NXN: variants seen among roughly 807,000 people sequenced by gnomAD.
NXN encodes nucleoredoxin 1.
Under a neutral mutation model 48.6 loss-of-function variants are expected in NXN, and 16 were observed. The observed-to-expected ratio is 0.33, with a 90% CI of 0.22 to 0.50. The LOEUF is 0.50. NXN is among the 20% of genes least tolerant of loss of function. The probability of loss-of-function intolerance (pLI) is 0.98; values close to 1 mark genes in which losing one functional copy is unlikely to be tolerated. For synonymous variants in NXN, 281 were observed against 269.6 expected (o/e 1.04, Z -0.41); for missense variants, 492 against 605.5 (o/e 0.81, Z 1.97).
At chr17:809,415 G>C (rs1312498903) in intron 5 of NXN, among the ~76,000 whole-genome samples, 1 of 152,208 alleles carries the variant, frequency 6.6e-6, no homozygotes, top group Non-Finnish European at 1.5e-5. Flanking sequence ...GGTGCGCCGA[G>C]ACTGTCCCAC....
chr17:836,723 A>G (rs150643714), intron 1 of NXN, among the ~76,000 whole-genome samples: 1 of 152,320 alleles, frequency 6.6e-6, no homozygotes, highest in African/African-American at 2.4e-5. Flanking sequence ...CACCTCACTG[A>G]ACTGCTGTGA....
At chr17:864,308 T>C (rs1349002202) in intron 1 of NXN, among the ~76,000 whole-genome samples, 1 of 152,202 alleles carries the variant, frequency 6.6e-6, no homozygotes, top group Non-Finnish European at 1.5e-5. Context: ...TCCATTTCCT[T>C]CTCAGGGAAT....
chr17:936,691 A>C (rs1165847628), intron 1 of NXN, among the ~76,000 whole-genome samples: 1 of 150,956 alleles, frequency 6.6e-6, no homozygotes, highest in African/African-American at 2.4e-5. Flanking sequence ...ACGGGGCATC[A>C]GAGCTGTCGG....
chr17:871,498 G>A (rs1328157713), intron 1 of NXN, among the ~76,000 whole-genome samples: 11 of 145,140 alleles, frequency 7.6e-5, no homozygotes, highest in South Asian at 6.5e-4. Context: ...TCCACCTCCC[G>A]GGTTCAAATG....
chr17:899,251 C>G (rs1229904928), intron 1 of NXN, among the ~76,000 whole-genome samples: 1 of 152,100 alleles, frequency 6.6e-6, no homozygotes, highest in Non-Finnish European at 1.5e-5. Flanking sequence ...AGCCACCGCA[C>G]CCCGGCCTGT....
intron 1 of NXN, among the ~76,000 whole-genome samples, chr17:957,986 G>A (rs11247570): frequency 0.22 from 34,191 of 151,972 alleles, 4,127 homozygotes; most frequent in East Asian, 0.36. Flanking sequence ...ATGTTTCCAC[G>A]GAGCACGGGC....
Position 801,140 on chromosome 17 carries a change from G to A in NXN, c.1126-9C>T, listed in dbSNP as rs760660532. On this transcript the variant is annotated splice_polypyrimidine_tract_variant and intron_variant, in intron 7 of 7. Transcript: ENST00000336868. The stretch of plus-strand genomic sequence containing the variant: ...GAGTCAGTCATGTCATCCTGAAGCC[G>A]TCAGGAGGGAGAGAAAACCAAGAAG... 1.8e-5 allele frequency: 27 copies of A among 1,513,136 alleles called. No homozygotes were observed. Among genetic ancestry groups the A allele is most frequent in the Middle Eastern group, 1.8e-4 (1 of 5,594 alleles). The allele number at this position is 1,513,136 out of a possible 1,614,324, so 93.7% of individuals were successfully genotyped here.
chr17:955,109 C>T (rs75381086), intron 1 of NXN, among the ~76,000 whole-genome samples: 1,582 of 151,172 alleles, frequency 0.01, 30 homozygotes, highest in African/African-American at 0.037. Context: ...TAAACTCACA[C>T]GGGAAAGATG....
intron 1 of NXN, among the ~76,000 whole-genome samples, chr17:960,181 C>T (rs76500347): frequency 0.026 from 3,966 of 152,308 alleles, 227 homozygotes; most frequent in East Asian, 0.24. Flanking sequence ...CCTAACACAA[C>T]AGTAAGCAAT....
chr17:803,717 C>T lies in NXN; in HGVS notation c.1090G>A (p.Glu364Lys). Residue 364 changes from glutamate to lysine, a missense_variant, in exon 7 of 8, where the codon GAG (glutamate) becomes AAG (lysine). Around this residue, in one of 3 missense-constraint regions of NXN, gnomAD observed 303 missense variants for 388.3 expected, o/e 0.78. Transcript: ENST00000336868. ...ACGAAGAACAGAAGGGGTGCCTCCT[C>T]CTCTTTGGCTTTGTACTTGGCAATG... ...KIIAKYKAKEEEAPLLFFVAG... is the reference protein window; with the variant it reads ...KIIAKYKAKEKEAPLLFFVAG... The T allele has an allele frequency of 6.2e-7, 1 of 1,614,244 alleles. No individual in the cohort carries two copies. The highest frequency in any genetic ancestry group is 8.5e-7 in the Non-Finnish European group (1 of 1,180,038).
At chr17:936,670 G>C (rs565741580) in intron 1 of NXN, among the ~76,000 whole-genome samples, 1 of 151,022 alleles carries the variant, frequency 6.6e-6, no homozygotes, top group African/African-American at 2.4e-5. Context: ...GTGCTACGAT[G>C]TCTGGCTAAA....
chr17:913,113 A>G (rs1382746197), intron 1 of NXN, among the ~76,000 whole-genome samples: 1 of 152,260 alleles, frequency 6.6e-6, no homozygotes, highest in Non-Finnish European at 1.5e-5. Context: ...TATTACAGTC[A>G]TCTCTTTTAT....
At chr17:895,174 GC>G (rs2068464791) in intron 1 of NXN, among the ~76,000 whole-genome samples, 1 of 151,282 alleles carries the variant, frequency 6.6e-6, no homozygotes, top group Admixed American at 6.6e-5. Flanking sequence ...CCACCACCAC[GC>G]CCAGCTAATT....
intron 7 of NXN, 113 bp downstream of exon 7, chr17:803,569 C>A: frequency 7.4e-7 from 1 of 1,353,382 alleles, no homozygotes; most frequent in Non-Finnish European, 1.0e-6. Context: ...CTCTCAGAAG[C>A]ACAGGCAGCC....
rs990986162 is a variant in NXN at position 932,898 on chromosome 17, T to C, written c.360+46421A>G. Among the ~76,000 whole-genome samples the C allele has an allele frequency of 6.6e-6, 1 of 152,176 alleles. No homozygotes were observed. Among genetic ancestry groups the C allele is most frequent in the African/African-American group, 2.4e-5 (1 of 41,444 alleles). On this transcript the variant is annotated intron_variant, in intron 1 of 7. Coordinates refer to ENST00000336868, the MANE Select transcript of NXN (RefSeq NM_022463.5). This position sits in a 1 kb window ranked among gnomAD's most constrained non-coding sequence, Gnocchi z 4.1. The stretch of plus-strand genomic sequence containing the variant: ...CCTGACCTCAGGTGATCCGCCCGCC[T>C]CGGCCTCCCTCAGTACTGGGATTCC...
intron 1 of NXN, among the ~76,000 whole-genome samples, chr17:863,460 C>T (rs1451890008): frequency 6.6e-6 from 1 of 152,148 alleles, no homozygotes; most frequent in Non-Finnish European, 1.5e-5. Flanking sequence ...AGCCACCACG[C>T]TCAGCCGTGT....
intron 1 of NXN, among the ~76,000 whole-genome samples, chr17:927,881 G>A (rs1005546713): frequency 1.1e-4 from 16 of 152,056 alleles, no homozygotes; most frequent in African/African-American, 3.6e-4. Flanking sequence ...GAGTCTGCAC[G>A]TGATGTTCCT....
intron 1 of NXN, among the ~76,000 whole-genome samples, chr17:891,181 C>T (rs953580570): frequency 2.6e-5 from 4 of 152,112 alleles, no homozygotes; most frequent in African/African-American, 9.7e-5. Flanking sequence ...TGAGCTCAGG[C>T]GATCCTCCTC....
At chr17:897,222 G>A (rs968660421) in intron 1 of NXN, among the ~76,000 whole-genome samples, 2 of 152,226 alleles carry the variant, frequency 1.3e-5, no homozygotes, top group African/African-American at 2.4e-5. Flanking sequence ...GGGAGGCAGA[G>A]GTTAAGGGCT....
Sources: gnomAD v4.1 joint callset for allele counts (sites outside exome capture counted in the v4.1 genomes callset) on GRCh38, gnomAD v4.1.1 for gene constraint, gnomAD v4.1.1 regional missense constraint, Gnocchi (gnomAD v3.1) non-coding constraint, MANE v1.5 for transcripts, NCBI Gene and HGNC (gene_info 2026-07-23, HGNC 2026-07-21) for gene names.